The following HLCS variants were observed in gnomAD, a reference collection of about 807,000 sequenced individuals.
HLCS encodes biotin--protein ligase.
In HLCS, 53 loss-of-function variants were observed where a neutral mutation model predicts 75.0. The observed-to-expected ratio is 0.71, with a 90% CI of 0.57 to 0.89. The LOEUF is 0.89. HLCS is among the 40% of genes least tolerant of loss of function. The pLI is 0.00. For synonymous variants in HLCS, 431 were observed against 428.6 expected (o/e 1.01, Z -0.07); for missense variants, 966 against 1,074.0 (o/e 0.90, Z 1.41).
chr21:36,783,609 A>T (rs960686921), intron 6 of HLCS, among the ~76,000 whole-genome samples: 1 of 152,196 alleles, frequency 6.6e-6, no homozygotes, highest in African/African-American at 2.4e-5. Context: ...GCATTCGGAC[A>T]CAAAGTGTGC....
intron 6 of HLCS, among the ~76,000 whole-genome samples, chr21:36,868,598 C>G (rs1432359018): frequency 6.6e-6 from 1 of 151,820 alleles, no homozygotes; most frequent in Non-Finnish European, 1.5e-5. Context: ...CTAAGTGATT[C>G]CAGTCAATAT....
intron 6 of HLCS, among the ~76,000 whole-genome samples, chr21:36,811,493 G>A (rs560096252): frequency 6.6e-6 from 1 of 152,282 alleles, no homozygotes; most frequent in African/African-American, 2.4e-5. Context: ...AGGGGAGTTC[G>A]ACCACTGCCT....
At chr21:36,892,246 T>C (rs1439800511) in intron 6 of HLCS, among the ~76,000 whole-genome samples, 5 of 152,192 alleles carry the variant, frequency 3.3e-5, no homozygotes, top group Admixed American at 3.3e-4. Context: ...CTCTCCAGCA[T>C]CCATCTCCGA....
intron 3 of HLCS, among the ~76,000 whole-genome samples, chr21:36,937,758 A>C (rs2066962731): frequency 1.3e-5 from 2 of 152,192 alleles, no homozygotes; most frequent in African/African-American, 4.8e-5. Context: ...GAAACTGAGC[A>C]ATAAAAAGGA....
chr21:36,954,486 G>A (rs979590297), intron 2 of HLCS, among the ~76,000 whole-genome samples: 1 of 148,936 alleles, frequency 6.7e-6, no homozygotes, highest in African/African-American at 2.5e-5. Flanking sequence ...CGTGGTGGCG[G>A]GCGCCTGTAG....
intron 6 of HLCS, among the ~76,000 whole-genome samples, chr21:36,779,885 C>T (rs937050354): frequency 9.9e-5 from 15 of 152,062 alleles, no homozygotes; most frequent in Admixed American, 7.2e-4. Context: ...AAGTATACTC[C>T]GAGAAGTGTC....
chr21:36,928,985 G>A (rs770098307), intron 5 of HLCS, among the ~76,000 whole-genome samples: 2 of 152,218 alleles, frequency 1.3e-5, no homozygotes, highest in Non-Finnish European at 2.9e-5. Flanking sequence ...GGACAAAAAT[G>A]TGAAGCATCT....
intron 6 of HLCS, among the ~76,000 whole-genome samples, chr21:36,812,856 C>T (rs2061552212): frequency 6.6e-6 from 1 of 152,158 alleles, no homozygotes; most frequent in Admixed American, 6.5e-5. Context: ...TCCAGGATTT[C>T]AAGACCAACC....
chr21:36,980,383 T>A (rs1454843473), intron 1 of HLCS: 1 of 152,186 alleles, frequency 6.6e-6, no homozygotes, highest in Non-Finnish European at 1.5e-5. Flanking sequence ...TGGAAGATGA[T>A]GGCATCCAGC....
chr21:36,954,746 AAAAACAAAAC>A (rs563943744), intron 2 of HLCS, among the ~76,000 whole-genome samples: 10 of 151,714 alleles, frequency 6.6e-5, no homozygotes, highest in South Asian at 6.3e-4. Flanking sequence ...TACTTATTAA[AAAAACAAAAC>A]AAAACAAAAC....
intron 2 of HLCS, chr21:36,943,385 C>T (rs1266016400): frequency 1.3e-5 from 2 of 153,416 alleles, no homozygotes; most frequent in African/African-American, 4.8e-5. Context: ...ACCCAAACCC[C>T]AGCCTTCAGA....
In HLCS at chr21:36,867,597, A is replaced by G. The variant is rs569481557; in HGVS notation, c.1892+29263T>C. 2.6e-5 allele frequency among the ~76,000 whole-genome samples: 4 copies of G among 152,276 alleles called. 1 individual carries two copies. The highest frequency in any genetic ancestry group is 9.6e-5 in the African/African-American group (4 of 41,556). On this transcript the variant is annotated intron_variant, in intron 6 of 10. Transcript: ENST00000674895. Reference sequence around the variant, plus strand: ...CCCTCTATTTCCACTCCTTTGTCTTATCTGCTGTGTGGAAAAGCAATGACC... The same window carrying G: ...CCCTCTATTTCCACTCCTTTGTCTTGTCTGCTGTGTGGAAAAGCAATGACC...
intron 6 of HLCS, among the ~76,000 whole-genome samples, chr21:36,780,265 C>T (rs961777915): frequency 3.3e-5 from 5 of 152,074 alleles, no homozygotes; most frequent in Non-Finnish European, 2.9e-5. Context: ...TTTTTTCAGA[C>T]GGAGTCTCAC....
At chr21:36,852,320 G>C (rs986374209) in intron 6 of HLCS, among the ~76,000 whole-genome samples, 4 of 152,192 alleles carry the variant, frequency 2.6e-5, no homozygotes, top group African/African-American at 9.7e-5. Context: ...TAACTGATGA[G>C]ATAAGCTGGA....
In HLCS at chr21:36,905,858, C is replaced by T. The variant is rs144825823; in HGVS notation, c.1621-8727G>A. On this transcript the variant is annotated intron_variant, in intron 5 of 10. Transcript: ENST00000674895. The stretch of plus-strand genomic sequence containing the variant: ...CTTGAGGTCAGGAGTTCAAGACCAG[C>T]CTGGCCAACATGGTGAAACCCCACT... Among the ~76,000 whole-genome samples, 788 of 152,100 alleles carry T rather than the reference C, an allele frequency of 5.2e-3. 7 individuals carry two copies. Among genetic ancestry groups the T allele is most frequent in the African/African-American group, 0.018 (746 of 41,478 alleles).
intron 2 of HLCS, among the ~76,000 whole-genome samples, chr21:36,944,780 G>A (rs892965717): frequency 3.3e-5 from 5 of 152,054 alleles, no homozygotes; most frequent in East Asian, 1.9e-4. Context: ...TCCCCAAGAC[G>A]TTCTTCACGT....
At chr21:36,981,580 A>G (rs1297916335) in intron 1 of HLCS, among the ~76,000 whole-genome samples, 1 of 151,774 alleles carries the variant, frequency 6.6e-6, no homozygotes, top group Non-Finnish European at 1.5e-5. Flanking sequence ...TTGTATTTTT[A>G]GTAGAGACAG....
intron 6 of HLCS, among the ~76,000 whole-genome samples, chr21:36,864,848 C>T (rs1309308567): frequency 6.6e-6 from 1 of 152,126 alleles, no homozygotes; most frequent in Non-Finnish European, 1.5e-5. Context: ...ACTGAGAAAC[C>T]TTGTCCATAT....
chr21:36,975,390 G>A (rs2068908775), intron 1 of HLCS, among the ~76,000 whole-genome samples: 1 of 152,070 alleles, frequency 6.6e-6, no homozygotes, highest in African/African-American at 2.4e-5. Context: ...TAGCACGACA[G>A]CCTGCTGGAT....
Sources: gnomAD v4.1 joint callset for allele counts (sites outside exome capture counted in the v4.1 genomes callset) on GRCh38, gnomAD v4.1.1 for gene constraint, MANE v1.5 for transcripts, NCBI Gene and HGNC (gene_info 2026-07-23, HGNC 2026-07-21) for gene names.